The following PRR12 variants were observed in gnomAD, a reference collection of about 807,000 sequenced individuals.
PRR12 encodes the protein proline-rich protein 12.
A neutral mutation model predicts 138.0 loss-of-function variants in PRR12; 12 were observed. That is an observed-to-expected ratio of 0.09 (90% CI 0.06 to 0.14). The LOEUF (loss-of-function observed/expected upper bound fraction) is 0.14, where lower values mean the gene tolerates loss of function less well. Among genes scored for constraint, PRR12 ranks in the 10% least tolerant of loss-of-function variants. PRR12 has a pLI of 1.00. For synonymous variants in PRR12, 1,567 were observed against 1,291.7 expected (o/e 1.21, Z -4.57); for missense variants, 2,692 against 2,861.3 (o/e 0.94, Z 1.35).
At chr19:49,622,443 T>C (rs1402589007) in intron 11 of PRR12, among the ~76,000 whole-genome samples, 1 of 150,386 alleles carries the variant, frequency 6.6e-6, no homozygotes, top group African/African-American at 2.5e-5. Context: ...AAATAAAAAA[T>C]TAGCTGGGCG....
rs752060520 is a variant in PRR12, at chr19:49,596,858, G to T, written c.2523G>T (p.Pro841=). 5.2e-6 allele frequency: 3 copies of T among 573,892 alleles called. No individual in the cohort carries two copies. Among genetic ancestry groups the T allele is most frequent in the Non-Finnish European group, 5.9e-6 (2 of 336,544 alleles). The allele number at this position is 573,892 out of a possible 1,614,324, so 35.5% of individuals were successfully genotyped here. Residue 841 remains proline (P), a synonymous_variant, in exon 4 of 14, where the codon CCG becomes CCT. Transcript: ENST00000418929. The surrounding 1 kb of genome is among the most constrained non-coding windows in gnomAD (Gnocchi z 5.6). ...GAPQPPPPPP[P]PPPPMPLQLE... Reference sequence around the variant, plus strand: ...CCCAGCCACCTCCACCGCCACCCCCGCCTCCACCACCCATGCCCCTGCAGC... The same window carrying T: ...CCCAGCCACCTCCACCGCCACCCCCTCCTCCACCACCCATGCCCCTGCAGC...
Position 49,594,942 on chromosome 19 carries a change from C to T in PRR12, c.607C>T (p.Leu203=). Residue 203 remains leucine (L), a synonymous_variant, in exon 4 of 14, where the codon CTG becomes TTG. Coordinates refer to ENST00000418929, the MANE Select transcript of PRR12 (RefSeq NM_020719.3). This position sits in a 1 kb window ranked among gnomAD's most constrained non-coding sequence, Gnocchi z 5.6. The part of the protein sequence containing the change: ...PSQAPTVPSS[L]GFERLAGGGV... Reference sequence around the variant, plus strand: ...GCAGGCACCCACGGTGCCCTCTTCACTGGGCTTCGAGCGCCTGGCAGGGGG... The same window carrying T: ...GCAGGCACCCACGGTGCCCTCTTCATTGGGCTTCGAGCGCCTGGCAGGGGG... The T allele has an allele frequency of 6.2e-7, 1 of 1,603,960 alleles. No individual in the cohort carries two copies. Among genetic ancestry groups the T allele is most frequent in the South Asian group, 1.1e-5 (1 of 89,664 alleles).
intron 11 of PRR12, 42 bp from the exon 12 acceptor site, chr19:49,624,802 G>A (rs763327231): frequency 6.4e-5 from 102 of 1,593,984 alleles, no homozygotes; most frequent in Non-Finnish European, 7.9e-5. Flanking sequence ...TGGGGTTTAT[G>A]GATCCAGGGC....
Position 49,625,871 on chromosome 19 carries a change from C to T in PRR12, c.*264C>T, listed in dbSNP as rs953213776. On this transcript the variant is annotated 3_prime_UTR_variant, in exon 14 of 14. Coordinates refer to ENST00000418929, the MANE Select transcript of PRR12 (RefSeq NM_020719.3). This position sits in a 1 kb window ranked among gnomAD's most constrained non-coding sequence, Gnocchi z 5.5. Reference sequence around the variant, plus strand: ...ATATGTATAAATGTCTATTTAGTAACGGTTTCCCTCTCCCCTTGCCCCGAC... The same window carrying T: ...ATATGTATAAATGTCTATTTAGTAATGGTTTCCCTCTCCCCTTGCCCCGAC... The T allele has an allele frequency of 2.6e-5, 8 of 311,956 alleles. No homozygotes were observed. Among genetic ancestry groups the T allele is most frequent in the Non-Finnish European group, 4.0e-5 (7 of 173,478 alleles). The allele number at this position is 311,956 out of a possible 1,614,324, so 19.3% of individuals were successfully genotyped here.
chr19:49,599,582 C>A lies in PRR12; in HGVS notation c.3989C>A (p.Pro1330His). The A allele has an allele frequency of 6.3e-7, 1 of 1,596,022 alleles. No homozygotes were observed. Among genetic ancestry groups the A allele is most frequent in the Non-Finnish European group, 8.5e-7 (1 of 1,171,066 alleles). ...RGLQPQPPAT[P>H]AVPHPPPSGA... ...CTGCAGCCCCAGCCCCCTGCCACCC[C>A]TGCTGTGCCACATCCCCCACCTTCC... Residue 1330 changes from proline to histidine, a missense_variant, in exon 5 of 14, where the codon CCT becomes CAT. By Grantham distance (77) the Pro-to-His change is moderately conservative (BLOSUM62 -2). This residue lies in a region of PRR12 where 326 missense variants were observed against 344.2 expected (regional missense o/e 0.95). Transcript: ENST00000418929. The surrounding 1 kb of genome is among the most constrained non-coding windows in gnomAD (Gnocchi z 5.0).
At chr19:49,620,283 C>T in intron 9 of PRR12, 69 bp from the exon 10 acceptor site, 1 of 1,593,736 alleles carries the variant, frequency 6.3e-7, no homozygotes, top group Non-Finnish European at 8.6e-7. Context: ...GTGTTGAGAA[C>T]AGTGTCTGCC....
chr19:49,599,620 C>T lies in PRR12; in HGVS notation c.4027C>T (p.Leu1343Phe), dbSNP rs1309522746. 6.2e-7 allele frequency: 1 copy of T among 1,603,714 alleles called. No individual in the cohort carries two copies. Among genetic ancestry groups the T allele is most frequent in the Non-Finnish European group, 8.5e-7 (1 of 1,173,650 alleles). Residue 1343 changes from leucine to phenylalanine, a missense_variant, in exon 5 of 14, where the codon CTT (leucine) becomes TTT (phenylalanine). Transcript: ENST00000418929. This position sits in a 1 kb window ranked among gnomAD's most constrained non-coding sequence, Gnocchi z 5.0. ...TCCCCCACCTTCCGGAGCCTTTGGGCTTGGGGGCGCCCTGGAGGCTGCAGA... is the reference window on the plus strand; with the variant it reads ...TCCCCCACCTTCCGGAGCCTTTGGGTTTGGGGGCGCCCTGGAGGCTGCAGA... ...PHPPPSGAFG[L>F]GGALEAAESE...
intron 11 of PRR12, among the ~76,000 whole-genome samples, chr19:49,622,901 AC>A (rs1347399832): frequency 0.012 from 1,482 of 118,596 alleles, 64 homozygotes; most frequent in African/African-American, 0.027. Context: ...CAAAAAAAAA[AC>A]AAAAACATAT....
chr19:49,612,165 G>A (rs1388702261), intron 6 of PRR12, among the ~76,000 whole-genome samples: 1 of 150,914 alleles, frequency 6.6e-6, no homozygotes, highest in African/African-American at 2.4e-5. Context: ...AGGAGATGGA[G>A]GTTGCAGTGA....
rs60006649 is a variant in PRR12, at chr19:49,620,504, G to T, written c.5623+27G>T. ...TGAGCTGAGGCCTGGGGAGGAGGGG[G>T]GGGGGCTGACTCGGTCTGAGGGAGC... On this transcript the variant is annotated intron_variant, in intron 10 of 13. Coordinates refer to ENST00000418929, the MANE Select transcript of PRR12 (RefSeq NM_020719.3). 0.039 allele frequency: 60,593 copies of T among 1,542,590 alleles called. 1,858 individuals are homozygous for T. Among genetic ancestry groups the T allele is most frequent in the South Asian group, 0.1 (8,797 of 84,082 alleles).
At chr19:49,609,472 G>T (rs9749431) in intron 6 of PRR12, among the ~76,000 whole-genome samples, 2,796 of 151,874 alleles carry the variant, frequency 0.018, 90 homozygotes, top group African/African-American at 0.063. Context: ...ATGGTGGCGG[G>T]TCCCTGTAAT....
intron 1 of PRR12, 35 bp downstream of exon 1, chr19:49,591,775 A>G (rs1459090058): frequency 3.8e-6 from 5 of 1,331,810 alleles, no homozygotes; most frequent in Non-Finnish European, 3.9e-6. Flanking sequence ...GAAGGGGGCC[A>G]AGGGGTGGGA....
chr19:49,597,893 G>T lies in PRR12; in HGVS notation c.3558G>T (p.Gly1186=). 1.4e-6 allele frequency: 2 copies of T among 1,419,616 alleles called. No individual in the cohort carries two copies. The highest frequency in any genetic ancestry group is 2.7e-5 in the East Asian group (1 of 36,878). The allele number at this position is 1,419,616 out of a possible 1,614,324, so 87.9% of individuals were successfully genotyped here. A position where few individuals can be genotyped will look rare whatever the true frequency, so the allele number is the denominator to read the frequency against. The part of the protein sequence containing the change: ...IRPLEVPTTA[G]PASASTPTDG... ...CCCTGGAGGTCCCGACCACTGCGGG[G>T]CCCGCCTCGGCCTCCACGCCCACCG... is the stretch of plus-strand genomic sequence containing the variant. Residue 1186 remains glycine, a synonymous_variant, in exon 4 of 14, where the codon GGG becomes GGT. Transcript: ENST00000418929. This position sits in a 1 kb window ranked among gnomAD's most constrained non-coding sequence, Gnocchi z 6.3.
chr19:49,595,801 C>G lies in PRR12; in HGVS notation c.1466C>G (p.Pro489Arg). The change falls in exon 4 of 14, where the codon CCT (proline) becomes CGT (arginine). Residue 489 changes from proline to arginine, a missense_variant. Transcript: ENST00000418929. ...CAGCCCCCCAGCGGCCCCCCTCCTC[C>G]TGGCCTGGCCACATGTCAGAGCTAC... ...PPQPPSGPPP[P>R]GLATCQSYSP... The G allele has an allele frequency of 6.3e-7, 1 of 1,598,374 alleles. No homozygotes were observed. Among genetic ancestry groups the G allele is most frequent in the Non-Finnish European group, 8.5e-7 (1 of 1,174,956 alleles).
In PRR12 at chr19:49,620,360, G is replaced by C; in HGVS notation, c.5506G>C (p.Val1836Leu). The change falls in exon 10 of 14, where the codon GTA becomes CTA. Residue 1836 changes from valine (V) to leucine (L), a missense_variant. Coordinates refer to ENST00000418929, the MANE Select transcript of PRR12 (RefSeq NM_020719.3). ...PGAPSEDERAVPGRLLKTRAM... is the reference protein window; with the variant it reads ...PGAPSEDERALPGRLLKTRAM... Reference sequence around the variant, plus strand: ...TCCTGTCTTTTCTGCAGAGCGGGCAGTACCTGGGCGTCTGCTCAAAACCAG... The same window carrying C: ...TCCTGTCTTTTCTGCAGAGCGGGCACTACCTGGGCGTCTGCTCAAAACCAG... 6.2e-7 allele frequency: 1 copy of C among 1,613,150 alleles called. No individual in the cohort carries two copies.
At chr19:49,604,522 A>G (rs2080828578) in intron 6 of PRR12, among the ~76,000 whole-genome samples, 1 of 152,008 alleles carries the variant, frequency 6.6e-6, no homozygotes, top group Non-Finnish European at 1.5e-5. Flanking sequence ...TACTAAAAAT[A>G]CAACAATTAG....
chr19:49,591,742 T>C lies in PRR12; in HGVS notation c.86+2T>C. ...TTACGAGAGGTCAGCGAAAGCTAGG[T>C]AAGGAGCTGAGGGTGGCCTAGAGAA... On this transcript the variant is annotated splice_donor_variant, in intron 1 of 13. Coordinates refer to ENST00000418929, the MANE Select transcript of PRR12 (RefSeq NM_020719.3). LOFTEE classifies it high-confidence loss of function. The C allele has an allele frequency of 6.7e-7, 1 of 1,483,026 alleles. No homozygotes were observed. The highest frequency in any genetic ancestry group is 9.0e-7 in the Non-Finnish European group (1 of 1,113,110). The allele number at this position is 1,483,026 out of a possible 1,614,324, so 91.9% of individuals were successfully genotyped here. A position where few individuals can be genotyped will look rare whatever the true frequency, so the allele number is the denominator to read the frequency against.
At chr19:49,598,295 C>T (rs764170526) in intron 4 of PRR12, among the ~76,000 whole-genome samples, 1 of 151,708 alleles carries the variant, frequency 6.6e-6, no homozygotes, top group Non-Finnish European at 1.5e-5. Context: ...AGGATGGTCT[C>T]GATCTCCTGG....
At chr19:49,617,007 G>A (rs1159082308) in intron 9 of PRR12, among the ~76,000 whole-genome samples, 1 of 151,904 alleles carries the variant, frequency 6.6e-6, no homozygotes, top group African/African-American at 2.4e-5. Flanking sequence ...GCGTGTGCCT[G>A]TAATCCCAGC....
Sources: allele counts gnomAD v4.1 joint callset (sites outside exome capture counted in the v4.1 genomes callset), GRCh38; gene constraint gnomAD v4.1.1; regional missense constraint gnomAD v4.1.1; non-coding constraint Gnocchi (gnomAD v3.1); transcripts MANE v1.5; gene names NCBI Gene and HGNC (gene_info 2026-07-23, HGNC 2026-07-21).